Variants in LNPEP observed in about 807,000 individuals in gnomAD.
LNPEP encodes leucyl and cystinyl aminopeptidase, also known as leucyl-cystinyl aminopeptidase.
In LNPEP, 64 loss-of-function variants were observed where a neutral mutation model predicts 120.6. That is an observed-to-expected ratio of 0.53 (90% CI 0.43 to 0.65). The LOEUF is 0.65. Among genes scored for constraint, LNPEP ranks in the 30% least tolerant of loss-of-function variants. The pLI is 0.00. For missense variants in LNPEP, 1,057 were observed against 1,200.0 expected (o/e 0.88, Z 1.76); for synonymous variants, 435 against 425.4 (o/e 1.02, Z -0.28).
Position 97,024,517 on chromosome 5 carries a change from A to G in LNPEP, c.2562-4A>G, listed in dbSNP as rs1029957057. On this transcript the variant is annotated splice_polypyrimidine_tract_variant and splice_region_variant and intron_variant, in intron 14 of 17. Coordinates refer to ENST00000231368, the MANE Select transcript of LNPEP (RefSeq NM_005575.3). Reference sequence around the variant, plus strand: ...ATTCTCATGTTTGACCACCTCTCTTACAGCCTACCTACTGATGTCATGACA... The same window carrying G: ...ATTCTCATGTTTGACCACCTCTCTTGCAGCCTACCTACTGATGTCATGACA... 23 of 1,612,668 alleles carry G rather than the reference A, an allele frequency of 1.4e-5. No homozygotes were observed. Among genetic ancestry groups the G allele is most frequent in the Non-Finnish European group, 1.9e-5 (22 of 1,179,430 alleles).
chr5:96,986,077 T>A (rs954949175), intron 3 of LNPEP, among the ~76,000 whole-genome samples: 1 of 152,124 alleles, frequency 6.6e-6, no homozygotes, highest in African/African-American at 2.4e-5. Context: ...TACTACTGAC[T>A]TTGTTCCCAC....
At chr5:96,986,431 TA>T in intron 3 of LNPEP, 107 bp from the exon 4 acceptor site, 1 of 1,077,746 alleles carries the variant, frequency 9.3e-7, no homozygotes, top group Non-Finnish European at 1.4e-6. Context: ...TATAATATGC[TA>T]GCATCTTTAC....
rs536200008 is a variant in LNPEP, at chr5:96,947,483, G to A, written c.19+11309G>A. The stretch of plus-strand genomic sequence containing the variant: ...GTCATATGATTAATACAAGGATAAA[G>A]CAACCAAATGCTCTCAGTATTTATT... On this transcript the variant is annotated intron_variant, in intron 1 of 17. Transcript: ENST00000231368. Among the ~76,000 whole-genome samples, 11 of 152,290 alleles carry A rather than the reference G, an allele frequency of 7.2e-5. No homozygotes were observed. The East Asian group carries it at 2.1e-3, about 29-fold the overall frequency.
At position 97,033,664 on chromosome 5, in the gene LNPEP, C is replaced by T. The variant is rs900222287; in HGVS notation, c.*5131C>T. The T allele has an allele frequency of 2.6e-5, 4 of 152,236 alleles. No homozygotes were observed. The highest frequency in any genetic ancestry group is 5.9e-5 in the Non-Finnish European group (4 of 68,034). The allele number at this position is 152,236 out of a possible 1,614,324, so 9.4% of individuals were successfully genotyped here. On this transcript the variant is annotated 3_prime_UTR_variant, in exon 18 of 18. Coordinates refer to ENST00000231368, the MANE Select transcript of LNPEP (RefSeq NM_005575.3). ...AGGTTCAGCCTGTAGCAGCTCTCCT[C>T]TTCTGCCCTTCCCTTAGATTGTCTG...
Position 97,006,103 on chromosome 5 carries a change from A to C in LNPEP, c.1816A>C (p.Met606Leu), listed in dbSNP as rs200982864. 2 of 1,553,098 alleles carry C rather than the reference A, an allele frequency of 1.3e-6. No homozygotes were observed. The highest frequency in any genetic ancestry group is 1.7e-6 in the Non-Finnish European group (2 of 1,148,624). ...AAACCAAACACTAGATGTAAAGAGA[A>C]TGATGAAAACCTGGACCCTGCAGAA... The part of the protein sequence containing the change: ...VTNQTLDVKR[M>L]MKTWTLQKGF... The change falls in exon 10 of 18, where the codon ATG (methionine) becomes CTG (leucine). Residue 606 changes from methionine to leucine, a missense_variant. Coordinates refer to ENST00000231368, the MANE Select transcript of LNPEP (RefSeq NM_005575.3).
intron 4 of LNPEP, among the ~76,000 whole-genome samples, chr5:96,987,836 T>G (rs1222635234): frequency 6.6e-6 from 1 of 152,218 alleles, no homozygotes; most frequent in Non-Finnish European, 1.5e-5. Context: ...TTAATTCCAC[T>G]TCAGGTGTTG....
intron 15 of LNPEP, 129 bp downstream of exon 15, chr5:97,024,811 C>G (rs1261381953): frequency 1.3e-6 from 1 of 788,186 alleles, no homozygotes; most frequent in Non-Finnish European, 2.0e-6. Flanking sequence ...CTAAGTTGGA[C>G]AGTGTGGTGA....
chr5:96,961,021 T>C, intron 1 of LNPEP, among the ~76,000 whole-genome samples: 1 of 152,210 alleles, frequency 6.6e-6, no homozygotes, highest in East Asian at 1.9e-4. Flanking sequence ...AGAATTCATT[T>C]TATTATAAAT....
At chr5:96,958,255 A>C (rs551735286) in intron 1 of LNPEP, among the ~76,000 whole-genome samples, 4 of 152,186 alleles carry the variant, frequency 2.6e-5, no homozygotes, top group Non-Finnish European at 2.9e-5. Flanking sequence ...CTAGACTTTC[A>C]ATTTTTTTCC....
chr5:97,032,188 A>G lies in LNPEP; in HGVS notation c.*3655A>G, dbSNP rs1791483143. ...TATGACATAGCTTTTCTTCTCACCT[A>G]TGCCTTTGTTACTTTTGTATTTATT... is the stretch of plus-strand genomic sequence containing the variant. On this transcript the variant is annotated 3_prime_UTR_variant, in exon 18 of 18. Transcript: ENST00000231368. The G allele has an allele frequency of 2.0e-5, 3 of 152,244 alleles. No individual in the cohort carries two copies. Among genetic ancestry groups the G allele is most frequent in the East Asian group, 3.9e-4 (2 of 5,180 alleles). The allele number at this position is 152,244 out of a possible 1,614,324, so 9.4% of individuals were successfully genotyped here.
intron 2 of LNPEP, among the ~76,000 whole-genome samples, chr5:96,982,152 C>CA (rs1790142807): frequency 6.6e-6 from 1 of 152,050 alleles, no homozygotes; most frequent in African/African-American, 2.4e-5. Flanking sequence ...CATCTCATGG[C>CA]AAGCAGATAG....
rs1192750485 is a variant in LNPEP at position 97,033,296 on chromosome 5, G to GA, written c.*4764dup. ...CAAGTGGCGTATTTGAGGTGAGGGG[G>GA]AGGGACGGGGAAGGTAGGAAAATGC... On this transcript the variant is annotated 3_prime_UTR_variant, in exon 18 of 18. Transcript: ENST00000231368. 1 of 152,168 alleles carries GA rather than the reference G, an allele frequency of 6.6e-6. No individual in the cohort carries two copies. The highest frequency in any genetic ancestry group is 1.5e-5 in the Non-Finnish European group (1 of 68,044). The allele number at this position is 152,168 out of a possible 1,614,324, so 9.4% of individuals were successfully genotyped here. A position where few individuals can be genotyped will look rare whatever the true frequency, so the allele number is the denominator to read the frequency against.
Position 97,027,750 on chromosome 5 carries a change from A to G in LNPEP, c.2882A>G (p.Tyr961Cys), listed in dbSNP as rs1483300569. ...TTCTTCAGGTTCCCTCTGGGGTCCT[A>G]TACCATACAAAATATTGTTGCTGGA... Reference protein sequence around the residue: ...KLVQKFPLGSYTIQNIVAGST... With the variant: ...KLVQKFPLGSCTIQNIVAGST... The change falls in exon 17 of 18, where the codon TAT becomes TGT. Residue 961 changes from tyrosine (Y) to cysteine (C), a missense_variant. Tyr to Cys is a radical substitution (Grantham distance 194). Coordinates refer to ENST00000231368, the MANE Select transcript of LNPEP (RefSeq NM_005575.3). 1.2e-6 allele frequency: 2 copies of G among 1,603,788 alleles called. No homozygotes were observed. Among genetic ancestry groups the G allele is most frequent in the Admixed American group, 1.7e-5 (1 of 60,014 alleles).
chr5:97,011,020 G>A (rs1790911901), intron 11 of LNPEP: 9 of 985,246 alleles, frequency 9.1e-6, no homozygotes, highest in Non-Finnish European at 8.4e-6. Flanking sequence ...TATATTCCCA[G>A]CTGTGTCCCT....
intron 11 of LNPEP, 62 bp downstream of exon 11, chr5:97,006,577 C>A: frequency 1.1e-6 from 1 of 886,024 alleles, no homozygotes; most frequent in Non-Finnish European, 1.9e-6. Flanking sequence ...GATCAGAGTG[C>A]ATATATAAGA....
At chr5:97,025,955 G>T (rs73141126) in intron 15 of LNPEP, among the ~76,000 whole-genome samples, 1 of 152,156 alleles carries the variant, frequency 6.6e-6, no homozygotes, top group African/African-American at 2.4e-5. Context: ...GGAGTGGGGC[G>T]TGGTTTCTCA....
rs66769873 is a variant in LNPEP, at chr5:96,954,598, G to GTCTCTCTC, written c.19+18438_19+18445dup. ...TTCCTCATTCTTCTCATTCTTGCAA[G>GTCTCTCTC]TCTCTCTCTCTCTCTCTCTCTATAT... On this transcript the variant is annotated intron_variant, in intron 1 of 17. Coordinates refer to ENST00000231368, the MANE Select transcript of LNPEP (RefSeq NM_005575.3). Among the ~76,000 whole-genome samples the GTCTCTCTC allele has an allele frequency of 6.6e-5, 7 of 106,406 alleles. 1 individual carries two copies. The highest frequency in any genetic ancestry group is 2.6e-4 in the African/African-American group (7 of 27,166). 69.8% of individuals were successfully genotyped at this position (106,406 alleles called of 152,430 possible).
intron 1 of LNPEP, among the ~76,000 whole-genome samples, chr5:96,938,984 CAAAAA>C (rs11342983): frequency 7.0e-6 from 1 of 142,734 alleles, no homozygotes; most frequent in African/African-American, 2.6e-5. Context: ...TTGTATATTA[CAAAAA>C]AAAAAAAAAA....
intron 1 of LNPEP, among the ~76,000 whole-genome samples, chr5:96,950,443 A>C (rs892243200): frequency 6.6e-6 from 1 of 152,238 alleles, no homozygotes; most frequent in African/African-American, 2.4e-5. Context: ...ATTTCCTAAT[A>C]TACCATAGAG....
Sources: gnomAD v4.1 joint callset for allele counts (sites outside exome capture counted in the v4.1 genomes callset) on GRCh38, gnomAD v4.1.1 for gene constraint, MANE v1.5 for transcripts, NCBI Gene and HGNC (gene_info 2026-07-23, HGNC 2026-07-21) for gene names.